The following MASP1 variants were observed in gnomAD, a reference collection of about 807,000 sequenced individuals.
The protein encoded by MASP1 is mannan-binding lectin serine protease 1.
MASP1 carries 59 observed loss-of-function variants against 77.1 expected under a neutral mutation model. That is an observed-to-expected ratio of 0.77 (90% CI 0.62 to 0.95). The LOEUF (loss-of-function observed/expected upper bound fraction) is 0.95, where lower values mean the gene tolerates loss of function less well. MASP1 is among the 40% of genes least tolerant of loss of function. The pLI, the probability that MASP1 is intolerant of heterozygous loss-of-function variation, is 0.00. For missense variants in MASP1, 885 were observed against 912.9 expected (o/e 0.97, Z 0.39); for synonymous variants, 362 against 354.5 (o/e 1.02, Z -0.24).
At chr3:187,251,213 G>A (rs1714555734) in intron 7 of MASP1, among the ~76,000 whole-genome samples, 1 of 152,126 alleles carries the variant, frequency 6.6e-6, no homozygotes, top group Admixed American at 6.5e-5. Flanking sequence ...ACCCGCCTGG[G>A]CCTCCCAAAG....
intron 8 of MASP1, chr3:187,247,119 T>C (rs1714151524): frequency 1.4e-6 from 2 of 1,440,872 alleles, no homozygotes; most frequent in East Asian, 2.5e-5. Context: ...TCTGGAATAG[T>C]GTTTGAATGA....
Position 187,259,691 on chromosome 3 carries a change from C to T in MASP1, c.547+1050G>A, listed in dbSNP as rs1056853649. Among the ~76,000 whole-genome samples the T allele has an allele frequency of 4.6e-5, 7 of 152,116 alleles. No homozygotes were observed. In the South Asian group the frequency reaches 6.2e-4, roughly 14 times the overall value. ...TACACTCTTTAAGAAAAATCCTGCA[C>T]GTGCCTGTTCTTTTGGTTTTGGATT... is the stretch of plus-strand genomic sequence containing the variant. On this transcript the variant is annotated intron_variant, in intron 4 of 10. Transcript: ENST00000296280.
chr3:187,291,377 G>A, intron 1 of MASP1: 1 of 578,308 alleles, frequency 1.7e-6, no homozygotes, highest in African/African-American at 1.9e-5. Flanking sequence ...AGAAATCTGA[G>A]CTTCAGCAGC....
intron 3 of MASP1, 59 bp downstream of exon 3, chr3:187,262,484 A>T: frequency 6.5e-7 from 1 of 1,546,664 alleles, no homozygotes; most frequent in Non-Finnish European, 8.9e-7. Flanking sequence ...GTCACAAGGC[A>T]GTTTTCATCT....
chr3:187,236,963 A>T (rs1007239547), intron 10 of MASP1, among the ~76,000 whole-genome samples: 1 of 152,198 alleles, frequency 6.6e-6, no homozygotes, highest in Admixed American at 6.5e-5. Context: ...GGTCCATGCT[A>T]TGGGAACCTA....
chr3:187,286,672 T>C (rs988178023), intron 1 of MASP1, among the ~76,000 whole-genome samples: 1 of 152,012 alleles, frequency 6.6e-6, no homozygotes, highest in Non-Finnish European at 1.5e-5. Context: ...ACAAGGAAAA[T>C]TCAATAAAAC....
exon 16 of MASP1, chr3:187,220,132 A>T: frequency 1.9e-6 from 3 of 1,614,002 alleles, no homozygotes; most frequent in Non-Finnish European, 2.5e-6. Context: ...GTAAGAGTAT[A>T]CTCCGTAGCG....
At chr3:187,279,999 T>C (rs1717283417) in intron 2 of MASP1, among the ~76,000 whole-genome samples, 1 of 152,232 alleles carries the variant, frequency 6.6e-6, no homozygotes, top group Non-Finnish European at 1.5e-5. Flanking sequence ...GTCTTTGGCA[T>C]AGTGTCCAGC....
chr3:187,276,439 C>T (rs542051006), intron 2 of MASP1, among the ~76,000 whole-genome samples: 4 of 152,314 alleles, frequency 2.6e-5, no homozygotes, highest in South Asian at 4.2e-4. Flanking sequence ...AATACCTCTT[C>T]GTCCCTTAAC....
intron 4 of MASP1, among the ~76,000 whole-genome samples, chr3:187,258,139 A>G (rs1454532252): frequency 6.6e-6 from 1 of 152,244 alleles, no homozygotes; most frequent in Non-Finnish European, 1.5e-5. Flanking sequence ...CAGCTGAACA[A>G]GTACTGGCCT....
At chr3:187,263,242 T>C (rs1715753998) in intron 2 of MASP1, 1 of 160,332 alleles carries the variant, frequency 6.2e-6, no homozygotes, top group African/African-American at 2.4e-5. Flanking sequence ...TTACACAGTG[T>C]GACAAATGCT....
chr3:187,280,816 A>C (rs936394478), intron 2 of MASP1, among the ~76,000 whole-genome samples: 1 of 152,226 alleles, frequency 6.6e-6, no homozygotes, highest in Non-Finnish European at 1.5e-5. Context: ...TAATACAAGC[A>C]TGATGTTGGC....
At chr3:187,249,574 T>G (rs1714388447) in intron 8 of MASP1, among the ~76,000 whole-genome samples, 1 of 152,162 alleles carries the variant, frequency 6.6e-6, no homozygotes, top group Non-Finnish European at 1.5e-5. Context: ...AAGCCTGTAT[T>G]TTTACAAAGC....
intron 2 of MASP1, among the ~76,000 whole-genome samples, chr3:187,283,057 G>A (rs1161176802): frequency 6.6e-6 from 1 of 152,120 alleles, no homozygotes; most frequent in Admixed American, 6.5e-5. Flanking sequence ...GTCATTTGGG[G>A]AGTTAGTGAC....
chr3:187,276,940 C>A (rs1298801741), intron 2 of MASP1: 1 of 152,214 alleles, frequency 6.6e-6, no homozygotes, highest in Non-Finnish European at 1.5e-5. Context: ...TCTAAGTAAA[C>A]ACAGAGCATT....
intron 2 of MASP1, among the ~76,000 whole-genome samples, chr3:187,273,439 C>G (rs1388844892): frequency 6.6e-6 from 1 of 152,232 alleles, no homozygotes; most frequent in Non-Finnish European, 1.5e-5. Context: ...CTTCTGTCCA[C>G]AAGAAGATGG....
At chr3:187,288,858 G>A (rs770988609) in intron 1 of MASP1, among the ~76,000 whole-genome samples, 5 of 152,200 alleles carry the variant, frequency 3.3e-5, no homozygotes, top group Admixed American at 6.5e-5. Context: ...ACTGGTCAGC[G>A]TGGGAGGAAG....
In MASP1 at chr3:187,253,326, T is replaced by TGA. The variant is rs745796040; in HGVS notation, c.745-13_745-12dup. On this transcript the variant is annotated splice_polypyrimidine_tract_variant and intron_variant, in intron 5 of 10. Transcript: ENST00000296280. ...TGGACCAACTTTGATCTGCAAAATA[T>TGA]GAGAGAGAGAGAGAGAAATAGAGTG... is the stretch of plus-strand genomic sequence containing the variant. 1.1e-4 allele frequency: 173 copies of TGA among 1,604,740 alleles called. No homozygotes were observed. The highest frequency in any genetic ancestry group is 8.3e-4 in the Middle Eastern group (5 of 6,060).
At chr3:187,238,923 A>C (rs914343247) in intron 10 of MASP1, among the ~76,000 whole-genome samples, 1 of 152,158 alleles carries the variant, frequency 6.6e-6, no homozygotes. Flanking sequence ...GCGAAGAGAG[A>C]ATTTACAAAT....
Sources: gnomAD v4.1 joint callset for allele counts (sites outside exome capture counted in the v4.1 genomes callset) on GRCh38, gnomAD v4.1.1 for gene constraint, MANE v1.5 for transcripts, NCBI Gene and HGNC (gene_info 2026-07-23, HGNC 2026-07-21) for gene names.